CNIH3: variants seen among roughly 807,000 people sequenced by gnomAD.
CNIH3 encodes the protein protein cornichon homolog 3.
CNIH3 carries 14 observed loss-of-function variants against 24.1 expected under a neutral mutation model. The observed-to-expected ratio is 0.58, with a 90% CI of 0.38 to 0.91. The LOEUF is 0.91. CNIH3 is among the 40% of genes least tolerant of loss of function. CNIH3 has a pLI of 0.00. For synonymous variants in CNIH3, 68 were observed against 73.8 expected (o/e 0.92, Z 0.40); for missense variants, 178 against 196.8 (o/e 0.90, Z 0.57).
At chr1:224,738,007 G>T (rs528580399) in intron 5 of CNIH3, among the ~76,000 whole-genome samples, 50 of 152,184 alleles carry the variant, frequency 3.3e-4, no homozygotes, top group Non-Finnish European at 5.9e-4. Context: ...GGTTATTCTG[G>T]ATCATGCCTG....
At chr1:224,450,396 G>A (rs1675345059) in intron 1 of CNIH3, among the ~76,000 whole-genome samples, 2 of 152,198 alleles carry the variant, frequency 1.3e-5, no homozygotes, top group African/African-American at 4.8e-5. Context: ...GGAAGACCCT[G>A]TCTACTGAAT....
At chr1:224,699,381 G>A (rs976973717) in intron 3 of CNIH3, among the ~76,000 whole-genome samples, 6 of 152,134 alleles carry the variant, frequency 3.9e-5, no homozygotes, top group Non-Finnish European at 8.8e-5. Context: ...CTGGCCCTTC[G>A]GCAGCTGAAT....
At chr1:224,687,534 A>AGCTT (rs1241130494) in intron 3 of CNIH3, among the ~76,000 whole-genome samples, 1 of 152,160 alleles carries the variant, frequency 6.6e-6, no homozygotes, top group Non-Finnish European at 1.5e-5. Context: ...TGCCCAGCCC[A>AGCTT]GCTTGCTTTC....
intron 4 of CNIH3, chr1:224,575,024 G>C (rs1007186892): frequency 3.4e-6 from 3 of 874,868 alleles, no homozygotes; most frequent in East Asian, 4.8e-5. Flanking sequence ...CTCAGGAGAA[G>C]TTAATCCAGT....
chr1:224,434,842 C>G (rs1426621107), exon 1 of CNIH3: 2 of 985,560 alleles, frequency 2.0e-6, no homozygotes, highest in African/African-American at 1.7e-5. Context: ...TACTGCCCTC[C>G]TCACTCACTT....
chr1:224,664,945 T>C (rs866258938), intron 1 of CNIH3: 1 of 152,222 alleles, frequency 6.6e-6, no homozygotes, highest in Non-Finnish European at 1.5e-5. Flanking sequence ...TGAATTTGGC[T>C]CTTCGGGGGC....
At chr1:224,713,483 A>G (rs1239349714) in intron 3 of CNIH3, among the ~76,000 whole-genome samples, 1 of 152,186 alleles carries the variant, frequency 6.6e-6, no homozygotes, top group South Asian at 2.1e-4. Flanking sequence ...TTGAGTCACT[A>G]AAAGGCAATA....
chr1:224,515,014 A>G (rs1489902361), upstream of CNIH3, among the ~76,000 whole-genome samples: 1 of 152,214 alleles, frequency 6.6e-6, no homozygotes, highest in Admixed American at 6.5e-5. Flanking sequence ...TCTCTGGCAC[A>G]TGGCCATGAC....
At chr1:224,435,016 T>C (rs1674583928) in intron 1 of CNIH3, 2 of 985,540 alleles carry the variant, frequency 2.0e-6, no homozygotes, top group African/African-American at 1.7e-5. Context: ...CGCTCGGGCC[T>C]TTCCCCTTGC....
chr1:224,517,232 C>A (rs1678427101), intron 1 of CNIH3, among the ~76,000 whole-genome samples: 1 of 152,116 alleles, frequency 6.6e-6, no homozygotes, highest in South Asian at 2.1e-4. Flanking sequence ...CTGAGCACAC[C>A]TTGGAGCAGG....
intron 1 of CNIH3, among the ~76,000 whole-genome samples, chr1:224,492,722 A>G (rs1677281164): frequency 1.3e-5 from 2 of 152,224 alleles, no homozygotes; most frequent in South Asian, 4.1e-4. Flanking sequence ...TGTGCTAGAC[A>G]TCCTGGAAGG....
chr1:224,598,517 G>T (rs1382212224), intron 3 of CNIH3, among the ~76,000 whole-genome samples: 1 of 152,192 alleles, frequency 6.6e-6, no homozygotes, highest in African/African-American at 2.4e-5. Context: ...TCTACTATAG[G>T]CAAAATGCTA....
At chr1:224,588,775 C>T (rs1043061796), downstream of CNIH3, among the ~76,000 whole-genome samples, 1 of 151,812 alleles carries the variant, frequency 6.6e-6, no homozygotes, top group Non-Finnish European at 1.5e-5. Context: ...GCAACACTTA[C>T]TTATTTCTTA....
intron 1 of CNIH3, among the ~76,000 whole-genome samples, chr1:224,644,925 A>G (rs713098): frequency 6.6e-6 from 1 of 151,950 alleles, no homozygotes; most frequent in Non-Finnish European, 1.5e-5. Context: ...CTGTACTGCT[A>G]ACAGACCCCA....
At chr1:224,702,367 G>A (rs776947654) in intron 3 of CNIH3, among the ~76,000 whole-genome samples, 10 of 152,286 alleles carry the variant, frequency 6.6e-5, no homozygotes, top group South Asian at 2.1e-4. Context: ...GAGTGGGATC[G>A]TCAGGCAAGA....
At chr1:224,553,116 A>G (rs1679994784) in intron 3 of CNIH3, among the ~76,000 whole-genome samples, 1 of 150,314 alleles carries the variant, frequency 6.7e-6, no homozygotes, top group Admixed American at 6.6e-5. Flanking sequence ...AGATAGTATG[A>G]ATAATATCAC....
At chr1:224,562,018 A>G (rs527895836) in intron 3 of CNIH3, among the ~76,000 whole-genome samples, 19 of 152,206 alleles carry the variant, frequency 1.2e-4, no homozygotes, top group Admixed American at 7.2e-4. Flanking sequence ...AGACACCTCC[A>G]ACATTGAGAC....
chr1:224,442,046 T>G (rs1218753271), intron 1 of CNIH3, among the ~76,000 whole-genome samples: 1 of 129,828 alleles, frequency 7.7e-6, no homozygotes, highest in Non-Finnish European at 1.6e-5. Flanking sequence ...TGAGACAGGG[T>G]CTTCCTTCAT....
intron 2 of CNIH3, among the ~76,000 whole-genome samples, chr1:224,543,544 T>C (rs1291038623): frequency 6.6e-6 from 1 of 152,158 alleles, no homozygotes; most frequent in East Asian, 1.9e-4. Flanking sequence ...TTGGAGACCA[T>C]GCCTTTTGGC....
Sources: gnomAD v4.1 joint callset for allele counts (sites outside exome capture counted in the v4.1 genomes callset) on GRCh38, gnomAD v4.1.1 for gene constraint, MANE v1.5 for transcripts, NCBI Gene and HGNC (gene_info 2026-07-23, HGNC 2026-07-21) for gene names.